DAB1: variants seen among roughly 807,000 people sequenced by gnomAD.
DAB1 encodes DAB adaptor protein 1.
A neutral mutation model predicts 64.6 loss-of-function variants in DAB1; 15 were observed. The ratio of observed to expected loss-of-function variants is 0.23; its 90% CI spans 0.16 to 0.36. The LOEUF is 0.36. DAB1 is among the 10% of genes least tolerant of loss of function. The pLI is 1.00. For missense variants in DAB1, 596 were observed against 706.7 expected (o/e 0.84, Z 1.78); for synonymous variants, 235 against 251.9 (o/e 0.93, Z 0.64).
chr1:57,474,990 T>A (rs1570553661), intron 7 of DAB1, among the ~76,000 whole-genome samples: 1 of 152,148 alleles, frequency 6.6e-6, no homozygotes. Context: ...CTGGGCAGGG[T>A]GGCTCACACC....
intron 5 of DAB1, among the ~76,000 whole-genome samples, chr1:58,040,091 G>A (rs897239972): frequency 2.0e-5 from 3 of 151,972 alleles, no homozygotes; most frequent in African/African-American, 7.3e-5. Flanking sequence ...TAATTGATAG[G>A]GCACGATAGT....
intron 7 of DAB1, among the ~76,000 whole-genome samples, chr1:57,633,107 T>C (rs970679610): frequency 6.6e-6 from 1 of 152,210 alleles, no homozygotes. Context: ...ACCAAATATG[T>C]CAGGATCTGA....
intron 6 of DAB1, among the ~76,000 whole-genome samples, chr1:57,816,343 TC>T (rs1226893429): frequency 1.3e-5 from 2 of 152,218 alleles, no homozygotes; most frequent in Non-Finnish European, 2.9e-5. Context: ...CTCAACACCT[TC>T]CTCTAGTTGT....
At chr1:57,726,578 G>A (rs1647213457) in intron 6 of DAB1, among the ~76,000 whole-genome samples, 1 of 152,138 alleles carries the variant, frequency 6.6e-6, no homozygotes, top group South Asian at 2.1e-4. Context: ...TACCATTGCA[G>A]CTAAAGAGTA....
At chr1:57,126,195 T>A (rs75463097) in intron 4 of DAB1, among the ~76,000 whole-genome samples, 5,879 of 152,274 alleles carry the variant, frequency 0.039, 408 homozygotes, top group African/African-American at 0.13. Context: ...TGACTGATTA[T>A]AGGATCTAAA....
chr1:57,915,075 T>C (rs185056297), intron 5 of DAB1, among the ~76,000 whole-genome samples: 340 of 132,280 alleles, frequency 2.6e-3, no homozygotes, highest in Non-Finnish European at 4.3e-3. Flanking sequence ...ATGAGACAAA[T>C]AGATAAGTAG....
chr1:57,558,028 G>GTTGC (rs139483136), intron 7 of DAB1, among the ~76,000 whole-genome samples: 132,571 of 151,848 alleles, frequency 0.87, 59,630 homozygotes, highest in East Asian at 1. Flanking sequence ...TGCAACCCAA[G>GTTGC]TTGCATGCAC....
chr1:57,755,390 T>G (rs905335535), intron 6 of DAB1, among the ~76,000 whole-genome samples: 1 of 152,180 alleles, frequency 6.6e-6, no homozygotes, highest in Non-Finnish European at 1.5e-5. Flanking sequence ...TGTGTGTATA[T>G]GTATATTTTC....
chr1:57,979,945 A>G (rs1646021691), intron 5 of DAB1, among the ~76,000 whole-genome samples: 1 of 152,178 alleles, frequency 6.6e-6, no homozygotes, highest in Non-Finnish European at 1.5e-5. Context: ...GAACAAAAAG[A>G]AAGGACTTGT....
rs920240203 is a variant in DAB1 at position 57,047,390 on chromosome 1, G to T, written c.723+15494C>A. The stretch of plus-strand genomic sequence containing the variant: ...CCCCAGTGTGAAAGTATTTGGAGAT[G>T]GGCCCTTTAGGAGGTAATTAGGGCT... On this transcript the variant is annotated intron_variant, in intron 9 of 14. Transcript: ENST00000371236. 3.3e-5 allele frequency among the ~76,000 whole-genome samples: 5 copies of T among 152,174 alleles called. No individual in the cohort carries two copies. In the South Asian group the frequency reaches 1.0e-3, roughly 32 times the overall value.
At chr1:57,683,720 A>C (rs1353185941) in intron 6 of DAB1, among the ~76,000 whole-genome samples, 1 of 152,194 alleles carries the variant, frequency 6.6e-6, no homozygotes, top group Non-Finnish European at 1.5e-5. Context: ...TTAAAAAAGC[A>C]AGAGTATCTC....
intron 5 of DAB1, among the ~76,000 whole-genome samples, chr1:57,981,601 T>C (rs1245025483): frequency 6.6e-6 from 1 of 152,012 alleles, no homozygotes; most frequent in African/African-American, 2.4e-5. Flanking sequence ...GTATAGGGGG[T>C]TGTAATCTTT....
At chr1:58,289,242 A>G (rs1236395471) in intron 4 of DAB1, among the ~76,000 whole-genome samples, 1 of 152,068 alleles carries the variant, frequency 6.6e-6, no homozygotes, top group Non-Finnish European at 1.5e-5. Flanking sequence ...TTTTCACTGT[A>G]CCTTTGCATC....
At chr1:57,460,834 T>G (rs1558401978) in intron 7 of DAB1, among the ~76,000 whole-genome samples, 2 of 152,148 alleles carry the variant, frequency 1.3e-5, no homozygotes, top group African/African-American at 4.8e-5. Context: ...TGGCCAGAAT[T>G]AAGCCATCCA....
intron 1 of DAB1, among the ~76,000 whole-genome samples, chr1:58,535,613 A>AAAAAAT (rs1646504495): frequency 1.3e-5 from 2 of 151,776 alleles, no homozygotes; most frequent in African/African-American, 4.8e-5. Flanking sequence ...AAAAAAAAAA[A>AAAAAAT]AAGATTCAGC....
intron 4 of DAB1, among the ~76,000 whole-genome samples, chr1:58,333,891 A>T (rs1663033750): frequency 6.6e-6 from 1 of 152,204 alleles, no homozygotes; most frequent in Non-Finnish European, 1.5e-5. Flanking sequence ...AACCATGGTG[A>T]TATCTCCCCA....
intron 7 of DAB1, among the ~76,000 whole-genome samples, chr1:57,483,763 A>C (rs2101249723): frequency 6.6e-6 from 1 of 152,212 alleles, no homozygotes; most frequent in Middle Eastern, 3.4e-3. Flanking sequence ...CCAGGGAATG[A>C]AGTTCATGTC....
chr1:57,769,066 G>C (rs1048101668), intron 6 of DAB1, among the ~76,000 whole-genome samples: 1 of 152,114 alleles, frequency 6.6e-6, no homozygotes, highest in Non-Finnish European at 1.5e-5. Context: ...TTTCCAGCAG[G>C]AGCACCTACA....
intron 1 of DAB1, among the ~76,000 whole-genome samples, chr1:57,382,852 G>A (rs576987404): frequency 3.7e-4 from 57 of 152,218 alleles, no homozygotes; most frequent in Middle Eastern, 3.4e-3. Flanking sequence ...CATAGGTTCC[G>A]AGGATTAGGG....
Sources: allele counts gnomAD v4.1 joint callset (sites outside exome capture counted in the v4.1 genomes callset), GRCh38; gene constraint gnomAD v4.1.1; transcripts MANE v1.5; gene names NCBI Gene and HGNC (gene_info 2026-07-23, HGNC 2026-07-21).